ABCC1: variants seen among roughly 807,000 people sequenced by gnomAD.
The protein encoded by ABCC1 is multidrug resistance-associated protein 1.
Under a neutral mutation model 172.9 loss-of-function variants are expected in ABCC1, and 83 were observed. That is an observed-to-expected ratio of 0.48 (90% CI 0.40 to 0.58). ABCC1 has a LOEUF of 0.58. Among genes scored for constraint, ABCC1 ranks in the 20% least tolerant of loss-of-function variants. The pLI is 0.00. For synonymous variants in ABCC1, 937 were observed against 825.2 expected, an observed-to-expected ratio of 1.14 and a Z score of -2.32; for missense variants, 1,817 against 2,002.7, an observed-to-expected ratio of 0.91 and a Z score of 1.77.
chr16:16,015,100 T>C (rs1307957610), intron 4 of ABCC1, among the ~76,000 whole-genome samples: 2 of 151,264 alleles, frequency 1.3e-5, no homozygotes, highest in African/African-American at 2.4e-5. Context: ...GGCTGCTGTG[T>C]GCTGCTGCTA....
At chr16:16,044,280 G>A (rs940550346) in intron 7 of ABCC1, among the ~76,000 whole-genome samples, 170 bp from the exon 8 acceptor site, 2 of 148,982 alleles carry the variant, frequency 1.3e-5, no homozygotes, top group Non-Finnish European at 3.0e-5. Context: ...TCTGGAGCCC[G>A]TGGCTCTGGA....
chr16:15,979,506 C>T (rs9932986), intron 1 of ABCC1, among the ~76,000 whole-genome samples: 1,854 of 80,276 alleles, frequency 0.023, 46 homozygotes, highest in African/African-American at 0.091. Flanking sequence ...CTCTCTCTCT[C>T]TTTTTTAATA....
chr16:16,033,510 C>A (rs1234269697), intron 6 of ABCC1, among the ~76,000 whole-genome samples: 3 of 152,190 alleles, frequency 2.0e-5, no homozygotes, highest in Admixed American at 2.0e-4. Flanking sequence ...TTGTCCCCCT[C>A]CTGTCCCCCA....
intron 1 of ABCC1, among the ~76,000 whole-genome samples, chr16:15,997,658 G>C (rs1016779779): frequency 1.3e-5 from 2 of 152,062 alleles, no homozygotes; most frequent in East Asian, 1.9e-4. Context: ...TCCCTTCCTT[G>C]AGCCTTTAGG....
Position 16,086,866 on chromosome 16 carries a change from G to A in ABCC1, c.2335G>A (p.Ala779Thr). 6.2e-7 allele frequency: 1 copy of A among 1,614,170 alleles called. No homozygotes were observed. Among genetic ancestry groups the A allele is most frequent in the South Asian group, 1.1e-5 (1 of 91,086 alleles). ...SGGQKQRVSL[A>T]RAVYSNADIY... ...GGGCCAGAAGCAGCGCGTGAGCCTG[G>A]CCCGGGCCGTGTACTCCAACGCTGA... The change falls in exon 18 of 31, where the codon GCC (alanine) becomes ACC (threonine). Residue 779 changes from alanine to threonine, a missense_variant. Around this residue, in one of 3 missense-constraint regions of ABCC1, gnomAD observed 1,412 missense variants for 1,600.3 expected, o/e 0.88. Coordinates refer to ENST00000399410, the MANE Select transcript of ABCC1 (RefSeq NM_004996.4).
intron 9 of ABCC1, among the ~76,000 whole-genome samples, chr16:16,046,501 C>T (rs45559834): frequency 0.019 from 2,950 of 152,140 alleles, 103 homozygotes; most frequent in African/African-American, 0.066. Flanking sequence ...CCTGCCACCA[C>T]GACCGGCTAA....
intron 20 of ABCC1, among the ~76,000 whole-genome samples, chr16:16,105,177 C>G (rs1020281761): frequency 6.6e-6 from 1 of 152,252 alleles, no homozygotes; most frequent in Non-Finnish European, 1.5e-5. Flanking sequence ...GCTGCCAGCA[C>G]GCTGTCACTT....
intron 1 of ABCC1, among the ~76,000 whole-genome samples, chr16:15,972,053 C>G (rs1233758778): frequency 6.6e-6 from 1 of 152,192 alleles, no homozygotes; most frequent in Admixed American, 6.5e-5. Flanking sequence ...GCCCAGCCCT[C>G]TCTGCACATA....
intron 14 of ABCC1, 51 bp from the exon 15 acceptor site, chr16:16,076,275 T>A (rs752047571): frequency 6.5e-7 from 1 of 1,548,426 alleles, no homozygotes; most frequent in Admixed American, 1.7e-5. Context: ...GTTCTGTGCA[T>A]GTGGAGTCGC....
intron 26 of ABCC1, 98 bp from the exon 27 acceptor site, chr16:16,131,691 C>G (rs1334525568): frequency 1.4e-6 from 2 of 1,448,996 alleles, no homozygotes; most frequent in Non-Finnish European, 1.9e-6. Context: ...GGGAGGCCAC[C>G]TTGGGCAGCA....
At chr16:16,128,376 C>A (rs1377323496) in intron 26 of ABCC1, among the ~76,000 whole-genome samples, 1 of 151,712 alleles carries the variant, frequency 6.6e-6, no homozygotes, top group African/African-American at 2.4e-5. Context: ...GTCTCGAACT[C>A]CTGACCTCGT....
chr16:16,068,140 G>C lies in ABCC1; in HGVS notation c.1678-16G>C. 6.2e-7 allele frequency: 1 copy of C among 1,613,874 alleles called. No homozygotes were observed. Among genetic ancestry groups the C allele is most frequent in the Non-Finnish European group, 8.5e-7 (1 of 1,180,012 alleles). ...ACTCGGGGCACAGCAGTCAGCACTG[G>C]GCGTTCTGCTTGCAGGTGGCCTTGT... On this transcript the variant is annotated splice_polypyrimidine_tract_variant and intron_variant, in intron 12 of 30. Transcript: ENST00000399410.
chr16:16,017,984 G>A (rs923315556), intron 5 of ABCC1, among the ~76,000 whole-genome samples: 1 of 152,204 alleles, frequency 6.6e-6, no homozygotes, highest in East Asian at 1.9e-4. Context: ...GTGCCTGAGA[G>A]GTGGGACAGC....
chr16:16,006,797 C>T (rs2047546407), intron 1 of ABCC1, among the ~76,000 whole-genome samples: 1 of 147,216 alleles, frequency 6.8e-6, no homozygotes, highest in East Asian at 2.1e-4. Context: ...ACATGAGGTA[C>T]TTAGAATAAA....
chr16:16,018,072 C>T (rs1337715836), intron 5 of ABCC1, among the ~76,000 whole-genome samples: 1 of 152,132 alleles, frequency 6.6e-6, no homozygotes, highest in Non-Finnish European at 1.5e-5. Flanking sequence ...CTATTTGATG[C>T]TGATTCATGG....
At chr16:15,973,129 C>T (rs1009371574) in intron 1 of ABCC1, among the ~76,000 whole-genome samples, 3 of 152,074 alleles carry the variant, frequency 2.0e-5, no homozygotes, top group African/African-American at 7.2e-5. Flanking sequence ...CTTTTTAAGC[C>T]TTAACAAAGT....
intron 1 of ABCC1, among the ~76,000 whole-genome samples, chr16:15,989,202 G>T (rs972505297): frequency 6.6e-6 from 1 of 152,154 alleles, no homozygotes; most frequent in African/African-American, 2.4e-5. Flanking sequence ...GGGTGATGGG[G>T]ATAAGTCTGG....
At chr16:15,949,596 C>G (rs1358841110), upstream of ABCC1, 62 of 305,342 alleles carry the variant, frequency 2.0e-4, no homozygotes, top group South Asian at 5.4e-3. Context: ...GTTGCGGCCC[C>G]GGCCCCGGCT....
Position 16,108,611 on chromosome 16 carries a change from T to TC in ABCC1, c.2871+1739dup, listed in dbSNP as rs71388797. Among the ~76,000 whole-genome samples the TC allele has an allele frequency of 3.3e-5, 5 of 150,836 alleles. No individual in the cohort carries two copies. In the East Asian group the frequency reaches 5.8e-4, roughly 18 times the overall value. ...TTTAATTTGTTTTCTTTTTTTTTTT[T>TC]CTGAGACAAGGTCTGACTCTGTCAC... On this transcript the variant is annotated intron_variant, in intron 21 of 30. Coordinates refer to ENST00000399410, the MANE Select transcript of ABCC1 (RefSeq NM_004996.4).
Sources: allele counts gnomAD v4.1 joint callset (sites outside exome capture counted in the v4.1 genomes callset), GRCh38; gene constraint gnomAD v4.1.1; regional missense constraint gnomAD v4.1.1; transcripts MANE v1.5; gene names NCBI Gene and HGNC (gene_info 2026-07-23, HGNC 2026-07-21).